The following CNTN3 variants were observed in gnomAD, a reference collection of about 807,000 sequenced individuals.
The protein encoded by CNTN3 is contactin-3.
In CNTN3, 60 loss-of-function variants were observed where a neutral mutation model predicts 119.1. That is an observed-to-expected ratio of 0.50 (90% CI 0.41 to 0.62). CNTN3 has a LOEUF of 0.62. Among genes scored for constraint, CNTN3 ranks in the 20% least tolerant of loss-of-function variants. The probability of loss-of-function intolerance (pLI) is 0.00; values close to 1 mark genes in which losing one functional copy is unlikely to be tolerated. For missense variants in CNTN3, 1,101 were observed against 1,242.4 expected (o/e 0.89, Z 1.71); for synonymous variants, 450 against 438.7 (o/e 1.03, Z -0.32).
intron 1 of CNTN3, among the ~76,000 whole-genome samples, chr3:74,594,567 G>C (rs892427394): frequency 1.3e-5 from 2 of 151,904 alleles, no homozygotes; most frequent in African/African-American, 2.4e-5. Flanking sequence ...CCTTGTGATA[G>C]TTTGCTGAGA....
intron 5 of CNTN3, among the ~76,000 whole-genome samples, chr3:74,373,302 C>A (rs1212665629): frequency 6.6e-6 from 1 of 152,184 alleles, no homozygotes; most frequent in East Asian, 1.9e-4. Flanking sequence ...GCTGTTGTAG[C>A]AAGAGCCCTT....
At chr3:74,399,388 T>A (rs920694608) in intron 5 of CNTN3, among the ~76,000 whole-genome samples, 1 of 152,188 alleles carries the variant, frequency 6.6e-6, no homozygotes. Flanking sequence ...CATGAGAACA[T>A]GTGGTAACTA....
At chr3:74,282,365 T>C (rs1702030245) in intron 20 of CNTN3, among the ~76,000 whole-genome samples, 1 of 152,166 alleles carries the variant, frequency 6.6e-6, no homozygotes, top group South Asian at 2.1e-4. Flanking sequence ...AGTGAGATGG[T>C]AAAGAACTGT....
chr3:74,423,585 C>A (rs1299747682), intron 5 of CNTN3, among the ~76,000 whole-genome samples: 1 of 152,208 alleles, frequency 6.6e-6, no homozygotes, highest in African/African-American at 2.4e-5. Flanking sequence ...GCCACTTGAT[C>A]ATCCCAGTTA....
At chr3:74,573,558 G>T (rs1290296538) in intron 1 of CNTN3, among the ~76,000 whole-genome samples, 1 of 151,840 alleles carries the variant, frequency 6.6e-6, no homozygotes, top group Non-Finnish European at 1.5e-5. Flanking sequence ...TTAAGGGTTT[G>T]GTACTCAGAA....
intron 13 of CNTN3, among the ~76,000 whole-genome samples, chr3:74,328,174 T>C (rs1170399243): frequency 2.6e-5 from 4 of 152,062 alleles, no homozygotes; most frequent in South Asian, 2.1e-4. Flanking sequence ...AAATAATCTG[T>C]CTAATATTTA....
intron 3 of CNTN3, among the ~76,000 whole-genome samples, chr3:74,496,010 C>T (rs532857046): frequency 6.7e-4 from 102 of 152,168 alleles, no homozygotes; most frequent in African/African-American, 2.3e-3. Flanking sequence ...TCTGTACTGT[C>T]AAATACAGTG....
intron 3 of CNTN3, among the ~76,000 whole-genome samples, chr3:74,493,579 T>C (rs1703006168): frequency 6.6e-6 from 1 of 152,140 alleles, no homozygotes; most frequent in Non-Finnish European, 1.5e-5. Flanking sequence ...CACTAAACAC[T>C]TGTTAAATCA....
intron 17 of CNTN3, among the ~76,000 whole-genome samples, chr3:74,299,296 A>C (rs957656262): frequency 1.3e-5 from 2 of 151,982 alleles, no homozygotes; most frequent in African/African-American, 4.8e-5. Context: ...CAGCATCTTC[A>C]AAAAATGCAG....
At chr3:74,470,743 A>G (rs1226047395) in intron 4 of CNTN3, among the ~76,000 whole-genome samples, 1 of 152,206 alleles carries the variant, frequency 6.6e-6, no homozygotes, top group Non-Finnish European at 1.5e-5. Flanking sequence ...TTTATAAACC[A>G]GTCTCAACTC....
chr3:74,262,931 T>C lies in CNTN3; in HGVS notation c.*1470A>G, dbSNP rs562150481. On this transcript the variant is annotated 3_prime_UTR_variant, in exon 23 of 23. Coordinates refer to ENST00000263665, the MANE Select transcript of CNTN3 (RefSeq NM_020872.3). ...TAGAGAAAGTTATAAATATTTATTG[T>C]TTTTGTGTATGATGACTTTATCTTA... 1 of 152,242 alleles carries C rather than the reference T, an allele frequency of 6.6e-6. No individual in the cohort carries two copies. The highest frequency in any genetic ancestry group is 1.9e-4 in the East Asian group (1 of 5,186). The allele number at this position is 152,242 out of a possible 1,614,324, so 9.4% of individuals were successfully genotyped here. A position where few individuals can be genotyped will look rare whatever the true frequency, so the allele number is the denominator to read the frequency against.
chr3:74,364,007 G>A (rs1300994007), intron 10 of CNTN3, among the ~76,000 whole-genome samples: 1 of 152,242 alleles, frequency 6.6e-6, no homozygotes, highest in Middle Eastern at 3.4e-3. Flanking sequence ...ATTTCAAGCA[G>A]TGGAGCCTTG....
Position 74,359,027 on chromosome 3 carries a change from T to A in CNTN3, c.1364+2863A>T, listed in dbSNP as rs140667012. On this transcript the variant is annotated intron_variant, in intron 11 of 22. Transcript: ENST00000263665. ...GTCTATCATTGTTGGACATTTGGGT[T>A]GTGTATTCTTATTTCTACCTTCCTC... 5.9e-3 allele frequency among the ~76,000 whole-genome samples: 905 copies of A among 152,164 alleles called. 7 individuals carry two copies. Among genetic ancestry groups the A allele is most frequent in the African/African-American group, 0.021 (870 of 41,506 alleles).
chr3:74,454,286 G>A (rs1329574664), intron 4 of CNTN3, among the ~76,000 whole-genome samples: 1 of 135,096 alleles, frequency 7.4e-6, no homozygotes, highest in Non-Finnish European at 1.6e-5. Flanking sequence ...TGTCTCTTTT[G>A]ATCTTTGTTG....
chr3:74,293,560 G>C (rs893002411), intron 19 of CNTN3, among the ~76,000 whole-genome samples: 2 of 151,998 alleles, frequency 1.3e-5, no homozygotes, highest in Non-Finnish European at 2.9e-5. Context: ...CTGAAGCCTC[G>C]ACCTCCTGGG....
intron 2 of CNTN3, 47 bp downstream of exon 2, chr3:74,521,011 G>C (rs199886450): frequency 8.8e-7 from 1 of 1,138,742 alleles, no homozygotes; most frequent in East Asian, 2.6e-5. Context: ...CATATGACTC[G>C]AGTATACTTC....
At chr3:74,304,958 C>T (rs752283335) in intron 13 of CNTN3, among the ~76,000 whole-genome samples, 2 of 152,036 alleles carry the variant, frequency 1.3e-5, no homozygotes, top group African/African-American at 2.4e-5. Context: ...TGTATTATTC[C>T]TCTTCTAATG....
At chr3:74,327,903 A>G (rs550420176) in intron 13 of CNTN3, among the ~76,000 whole-genome samples, 4 of 151,552 alleles carry the variant, frequency 2.6e-5, no homozygotes, top group Admixed American at 2.0e-4. Context: ...TTTCTTTTTT[A>G]TCTCTTATAT....
chr3:74,428,001 G>C (rs377219474), intron 4 of CNTN3, among the ~76,000 whole-genome samples: 1 of 151,854 alleles, frequency 6.6e-6, no homozygotes, highest in Non-Finnish European at 1.5e-5. Context: ...ACAATGTTTC[G>C]GTAAATGCTG....
Sources: allele counts gnomAD v4.1 joint callset (sites outside exome capture counted in the v4.1 genomes callset), GRCh38; gene constraint gnomAD v4.1.1; transcripts MANE v1.5; gene names NCBI Gene and HGNC (gene_info 2026-07-23, HGNC 2026-07-21).